The following CHRM3 variants were observed in gnomAD, a reference collection of about 807,000 sequenced individuals.
CHRM3 encodes cholinergic receptor muscarinic 3.
Under a neutral mutation model 41.8 loss-of-function variants are expected in CHRM3, and 11 were observed. The observed-to-expected ratio is 0.26, with a 90% CI of 0.17 to 0.44. CHRM3 has a LOEUF of 0.44. Among genes scored for constraint, CHRM3 ranks in the 20% least tolerant of loss-of-function variants. CHRM3 has a pLI of 1.00. For synonymous variants in CHRM3, 297 were observed against 301.4 expected, an observed-to-expected ratio of 0.99 and a Z score of 0.15; for missense variants, 571 against 745.4, an observed-to-expected ratio of 0.77 and a Z score of 2.72.
intron 4 of CHRM3, among the ~76,000 whole-genome samples, chr1:239,669,647 G>A (rs1347288927): frequency 6.6e-6 from 1 of 152,116 alleles, no homozygotes; most frequent in Non-Finnish European, 1.5e-5. Context: ...TGACAGAAAA[G>A]TTAGAAAGAC....
At chr1:239,406,299 G>A (rs1202382897) in intron 1 of CHRM3, among the ~76,000 whole-genome samples, 1 of 152,204 alleles carries the variant, frequency 6.6e-6, no homozygotes, top group Non-Finnish European at 1.5e-5. Flanking sequence ...TGCAAAATGA[G>A]ATAGAGATGA....
At chr1:239,402,698 C>T (rs542925753) in intron 1 of CHRM3, among the ~76,000 whole-genome samples, 77 of 152,254 alleles carry the variant, frequency 5.1e-4, no homozygotes, top group Admixed American at 3.7e-3. Context: ...AAAATATGGT[C>T]GTCCCTCAGT....
chr1:239,640,832 T>C (rs1489638693), intron 4 of CHRM3, among the ~76,000 whole-genome samples: 47 of 148,706 alleles, frequency 3.2e-4, no homozygotes, highest in African/African-American at 1.1e-3. Flanking sequence ...TGCTCTTGCT[T>C]TTCTAGTTCT....
chr1:239,562,639 C>T (rs1660974169), intron 3 of CHRM3, among the ~76,000 whole-genome samples: 1 of 151,986 alleles, frequency 6.6e-6, no homozygotes, highest in African/African-American at 2.4e-5. Flanking sequence ...CCCATAATCC[C>T]AGCGCTTTGG....
intron 3 of CHRM3, among the ~76,000 whole-genome samples, chr1:239,565,329 T>C (rs1661250502): frequency 6.6e-6 from 1 of 152,180 alleles, no homozygotes; most frequent in Admixed American, 6.5e-5. Flanking sequence ...GATTCTCAAG[T>C]AGCTTTAAAT....
chr1:239,561,619 A>G (rs1660867468), intron 3 of CHRM3, among the ~76,000 whole-genome samples: 1 of 151,826 alleles, frequency 6.6e-6, no homozygotes, highest in Admixed American at 6.6e-5. Flanking sequence ...AATAGTATCT[A>G]TTAATAGATA....
chr1:239,398,089 G>A (rs1001334527), intron 1 of CHRM3, among the ~76,000 whole-genome samples: 3 of 152,110 alleles, frequency 2.0e-5, no homozygotes, highest in African/African-American at 7.2e-5. Flanking sequence ...GAGGACAGGA[G>A]TATGTTTGAG....
At chr1:239,709,345 G>A (rs780277799) in intron 5 of CHRM3, among the ~76,000 whole-genome samples, 1 of 152,102 alleles carries the variant, frequency 6.6e-6, no homozygotes, top group African/African-American at 2.4e-5. Context: ...ACCTTGAGGC[G>A]GATTTTACCG....
At chr1:239,438,718 T>G (rs1444044074) in intron 1 of CHRM3, among the ~76,000 whole-genome samples, 1 of 152,152 alleles carries the variant, frequency 6.6e-6, no homozygotes, top group Non-Finnish European at 1.5e-5. Context: ...TTTATGAAGG[T>G]GTGAATCCCT....
intron 4 of CHRM3, among the ~76,000 whole-genome samples, chr1:239,667,333 G>C (rs962510701): frequency 6.6e-6 from 1 of 152,080 alleles, no homozygotes; most frequent in Non-Finnish European, 1.5e-5. Flanking sequence ...TCTCTTCTCT[G>C]TCCAGTCAGG....
At chr1:239,783,505 T>C (rs1352263108) in intron 5 of CHRM3, among the ~76,000 whole-genome samples, 1 of 152,060 alleles carries the variant, frequency 6.6e-6, no homozygotes, top group Non-Finnish European at 1.5e-5. Context: ...ACATGCAAGA[T>C]AATAATAGCC....
chr1:239,846,305 T>C (rs558453389), intron 6 of CHRM3, among the ~76,000 whole-genome samples: 2 of 152,198 alleles, frequency 1.3e-5, no homozygotes, highest in Non-Finnish European at 2.9e-5. Flanking sequence ...TTACTGGCTG[T>C]TTGAGACTTG....
chr1:239,605,957 A>T (rs1007495516), intron 3 of CHRM3: 4 of 152,134 alleles, frequency 2.6e-5, no homozygotes, highest in Non-Finnish European at 5.9e-5. Context: ...AACTATTTTC[A>T]TAATACTGCT....
intron 3 of CHRM3, among the ~76,000 whole-genome samples, chr1:239,589,793 T>TTA (rs1203595624): frequency 1.3e-5 from 2 of 150,780 alleles, no homozygotes; most frequent in East Asian, 2.0e-4. Flanking sequence ...GTTGATAGTT[T>TTA]TATATATATA....
At chr1:239,843,199 C>G (rs1673966997) in intron 6 of CHRM3, among the ~76,000 whole-genome samples, 1 of 152,124 alleles carries the variant, frequency 6.6e-6, no homozygotes, top group African/African-American at 2.4e-5. Flanking sequence ...ATCCTCCTGC[C>G]TATATACTCA....
intron 6 of CHRM3, among the ~76,000 whole-genome samples, chr1:239,839,588 G>A (rs1234924407): frequency 6.6e-6 from 1 of 152,204 alleles, no homozygotes; most frequent in Non-Finnish European, 1.5e-5. Context: ...AAATGTTTGT[G>A]GTTAAAGATT....
intron 6 of CHRM3, among the ~76,000 whole-genome samples, chr1:239,899,464 G>A (rs544476029): frequency 1.1e-4 from 16 of 140,524 alleles, no homozygotes; most frequent in South Asian, 2.3e-4. Context: ...ATATACATAC[G>A]TATATATGTG....
intron 5 of CHRM3, among the ~76,000 whole-genome samples, chr1:239,820,912 T>G: frequency 6.6e-6 from 1 of 152,340 alleles, no homozygotes; most frequent in African/African-American, 2.4e-5. Context: ...GTATTTAAAT[T>G]TATATATTGT....
chr1:239,669,912 T>C (rs555848673), intron 4 of CHRM3, among the ~76,000 whole-genome samples: 1 of 152,334 alleles, frequency 6.6e-6, no homozygotes, highest in Admixed American at 6.5e-5. Flanking sequence ...ATGGCCCTCC[T>C]TTCCCACAAA....
Sources: gnomAD v4.1 joint callset for allele counts (sites outside exome capture counted in the v4.1 genomes callset) on GRCh38, gnomAD v4.1.1 for gene constraint, MANE v1.5 for transcripts, NCBI Gene and HGNC (gene_info 2026-07-23, HGNC 2026-07-21) for gene names.